The following CCNY variants were observed in gnomAD, a reference collection of about 807,000 sequenced individuals.
CCNY encodes cyclin Y.
A neutral mutation model predicts 42.8 loss-of-function variants in CCNY; 19 were observed. The observed-to-expected ratio is 0.44, with a 90% confidence interval of 0.31 to 0.65. The LOEUF (loss-of-function observed/expected upper bound fraction) is 0.65, where lower values mean the gene tolerates loss of function less well. Ranked by LOEUF, CCNY falls within the 30% of genes least tolerant of loss-of-function variation. The pLI, the probability that CCNY is intolerant of heterozygous loss-of-function variation, is 0.07. For missense variants in CCNY, 370 were observed against 437.3 expected (o/e 0.85, Z 1.37); for synonymous variants, 165 against 162.7 (o/e 1.01, Z -0.11).
chr10:35,278,112 G>A (rs1222857082), intron 3 of CCNY, among the ~76,000 whole-genome samples: 4 of 152,054 alleles, frequency 2.6e-5, no homozygotes, highest in South Asian at 2.1e-4. Flanking sequence ...GGATGACGTC[G>A]GGAGAAGAGG....
chr10:35,361,615 C>T (rs1270504231), intron 1 of CCNY, among the ~76,000 whole-genome samples: 1 of 152,148 alleles, frequency 6.6e-6, no homozygotes, highest in Non-Finnish European at 1.5e-5. Context: ...TTTTCAGGTG[C>T]ATGTGATTAA....
At chr10:35,498,586 G>A (rs892253669) in intron 2 of CCNY, among the ~76,000 whole-genome samples, 11 of 152,100 alleles carry the variant, frequency 7.2e-5, no homozygotes, top group East Asian at 5.8e-4. Context: ...GCCCAGAGAG[G>A]GTAAAGTTAC....
intron 1 of CCNY, among the ~76,000 whole-genome samples, chr10:35,460,312 C>T (rs563974194): frequency 1.4e-4 from 21 of 152,316 alleles, no homozygotes; most frequent in Non-Finnish European, 2.6e-4. Context: ...AGTGGTGATG[C>T]CCCCTGGCCC....
At chr10:35,518,227 T>C (rs1840469508) in intron 4 of CCNY, among the ~76,000 whole-genome samples, 1 of 152,238 alleles carries the variant, frequency 6.6e-6, no homozygotes, top group Non-Finnish European at 1.5e-5. Context: ...CGGTCAACTC[T>C]AGGAGGCACA....
intron 7 of CCNY, among the ~76,000 whole-genome samples, chr10:35,545,193 G>C (rs1841087095): frequency 6.6e-6 from 1 of 152,224 alleles, no homozygotes; most frequent in South Asian, 2.1e-4. Flanking sequence ...AACGAAACCT[G>C]TCTGTGAGCT....
chr10:35,365,482 A>G (rs1311052658), intron 1 of CCNY, among the ~76,000 whole-genome samples: 1 of 151,398 alleles, frequency 6.6e-6, no homozygotes, highest in East Asian at 1.9e-4. Flanking sequence ...ATATTAAAAA[A>G]TTGCAGAAGA....
chr10:35,282,916 T>C (rs775174171), intron 3 of CCNY, among the ~76,000 whole-genome samples: 7 of 152,100 alleles, frequency 4.6e-5, no homozygotes, highest in Admixed American at 1.3e-4. Context: ...CCAAGCTTAG[T>C]GCGCCCGAGA....
chr10:35,441,517 G>A (rs1309344595), intron 1 of CCNY, among the ~76,000 whole-genome samples: 1 of 152,232 alleles, frequency 6.6e-6, no homozygotes, highest in East Asian at 1.9e-4. Flanking sequence ...GCCGAGGCGG[G>A]AGGATCACTT....
intron 1 of CCNY, among the ~76,000 whole-genome samples, chr10:35,470,093 A>G (rs540796473): frequency 1.3e-5 from 2 of 150,230 alleles, no homozygotes; most frequent in African/African-American, 4.9e-5. Flanking sequence ...AGACAGAGAG[A>G]TGGAGAGACA....
At chr10:35,444,631 G>A (rs750165176) in intron 1 of CCNY, among the ~76,000 whole-genome samples, 5 of 152,214 alleles carry the variant, frequency 3.3e-5, no homozygotes, top group Non-Finnish European at 7.3e-5. Flanking sequence ...ACTACATTAT[G>A]ATGTCACTAG....
intron 2 of CCNY, among the ~76,000 whole-genome samples, chr10:35,487,736 A>G (rs978946114): frequency 1.3e-5 from 2 of 152,166 alleles, no homozygotes; most frequent in Non-Finnish European, 2.9e-5. Flanking sequence ...ATCCAAAGCC[A>G]GAGTGACTGC....
At chr10:35,404,876 A>C (rs1837723655) in intron 1 of CCNY, among the ~76,000 whole-genome samples, 1 of 152,210 alleles carries the variant, frequency 6.6e-6, no homozygotes, top group African/African-American at 2.4e-5. Flanking sequence ...GCCTTGCAGC[A>C]GTACAGCCCA....
chr10:35,289,860 CAG>C (rs1835391454), intron 3 of CCNY, among the ~76,000 whole-genome samples: 2 of 132,890 alleles, frequency 1.5e-5, no homozygotes, highest in South Asian at 4.8e-4. Flanking sequence ...GTCTGGGTGA[CAG>C]AGTGAGACTC....
At chr10:35,310,577 C>CT (rs1160605078) in intron 3 of CCNY, among the ~76,000 whole-genome samples, 2 of 152,016 alleles carry the variant, frequency 1.3e-5, no homozygotes, top group African/African-American at 4.8e-5. Flanking sequence ...TATTTTTTGT[C>CT]TTTTTGACAA....
chr10:35,342,812 G>A (rs973684194), intron 1 of CCNY, among the ~76,000 whole-genome samples: 1 of 152,038 alleles, frequency 6.6e-6, no homozygotes, highest in Admixed American at 6.6e-5. Context: ...GCTGGGGTTC[G>A]GTCTGCTGTC....
intron 1 of CCNY, chr10:35,434,312 A>G (rs1462326035): frequency 6.6e-6 from 1 of 152,248 alleles, no homozygotes; most frequent in African/African-American, 2.4e-5. Context: ...GGTTCAGGGA[A>G]AAGTGATGGC....
chr10:35,561,128 G>A (rs893234088), intron 8 of CCNY, among the ~76,000 whole-genome samples: 1 of 152,210 alleles, frequency 6.6e-6, no homozygotes, highest in South Asian at 2.1e-4. Context: ...TCCCACTTGG[G>A]TGTCCCAGAA....
chr10:35,314,478 C>T (rs1380044104), intron 3 of CCNY: 3 of 152,000 alleles, frequency 2.0e-5, no homozygotes, highest in East Asian at 3.9e-4. Context: ...AGCCACAACA[C>T]GTGGGAATTG....
At chr10:35,389,934 A>G (rs1837379223) in intron 1 of CCNY, among the ~76,000 whole-genome samples, 1 of 152,204 alleles carries the variant, frequency 6.6e-6, no homozygotes, top group Non-Finnish European at 1.5e-5. Context: ...GAACAAAGTG[A>G]ATTATTTCCT....
Sources: allele counts gnomAD v4.1 joint callset (sites outside exome capture counted in the v4.1 genomes callset), GRCh38; gene constraint gnomAD v4.1.1; transcripts MANE v1.5; gene names NCBI Gene and HGNC (gene_info 2026-07-23, HGNC 2026-07-21).